The following NPAS3 variants were observed in gnomAD, a reference collection of about 807,000 sequenced individuals.
NPAS3 encodes the protein neuronal PAS domain protein 3.
A neutral mutation model predicts 73.1 loss-of-function variants in NPAS3; 14 were observed. That is an observed-to-expected ratio of 0.19 (90% CI 0.13 to 0.30). The LOEUF is 0.30. Among genes scored for constraint, NPAS3 ranks in the 10% least tolerant of loss-of-function variants. The pLI is 1.00. For synonymous variants in NPAS3, 620 were observed against 541.5 expected (o/e 1.14, Z -2.01); for missense variants, 1,096 against 1,250.0 (o/e 0.88, Z 1.86).
intron 1 of NPAS3, among the ~76,000 whole-genome samples, chr14:33,028,185 G>A (rs1036426483): frequency 5.3e-5 from 8 of 152,098 alleles, no homozygotes; most frequent in Non-Finnish European, 1.0e-4. Context: ...TTGCCTCCAC[G>A]TGTGAAATAC....
At chr14:33,069,848 G>C (rs777777376) in intron 2 of NPAS3, among the ~76,000 whole-genome samples, 6 of 152,152 alleles carry the variant, frequency 3.9e-5, no homozygotes, top group Non-Finnish European at 8.8e-5. Context: ...AAGTTACCTG[G>C]TTAATGAATG....
chr14:33,380,627 C>G (rs776001022), intron 4 of NPAS3, among the ~76,000 whole-genome samples: 1 of 152,148 alleles, frequency 6.6e-6, no homozygotes, highest in Admixed American at 6.5e-5. Flanking sequence ...AAGAAAATGT[C>G]ATGCCATTTT....
intron 4 of NPAS3, among the ~76,000 whole-genome samples, chr14:33,530,426 T>C (rs1247959232): frequency 6.6e-6 from 1 of 152,168 alleles, no homozygotes; most frequent in Non-Finnish European, 1.5e-5. Flanking sequence ...AGTATCGTGG[T>C]CAGGCCCTGT....
chr14:33,066,438 T>C (rs1326537244), intron 2 of NPAS3, among the ~76,000 whole-genome samples: 1 of 152,176 alleles, frequency 6.6e-6, no homozygotes, highest in Non-Finnish European at 1.5e-5. Context: ...GAATAAAGAA[T>C]GTTGTGTTTT....
At chr14:33,111,565 C>T (rs901054513) in intron 2 of NPAS3, among the ~76,000 whole-genome samples, 2 of 151,620 alleles carry the variant, frequency 1.3e-5, no homozygotes, top group Non-Finnish European at 2.9e-5. Context: ...GCAGGTTTCC[C>T]AAAATAAAAG....
At chr14:32,964,812 C>CAAAA (rs35728329) in intron 1 of NPAS3, among the ~76,000 whole-genome samples, 86 of 139,494 alleles carry the variant, frequency 6.2e-4, no homozygotes, top group African/African-American at 2.3e-3. Context: ...CCTGTCTCTA[C>CAAAA]AAAAAAAAAA....
intron 2 of NPAS3, among the ~76,000 whole-genome samples, chr14:33,118,470 A>G (rs1279322): frequency 0.11 from 16,134 of 152,114 alleles, 1,182 homozygotes; most frequent in East Asian, 0.39. Flanking sequence ...GTATTCTTTC[A>G]TGGTAATCTT....
At chr14:33,155,290 A>G (rs2044606983) in intron 2 of NPAS3, among the ~76,000 whole-genome samples, 2 of 152,186 alleles carry the variant, frequency 1.3e-5, no homozygotes, top group Non-Finnish European at 2.9e-5. Flanking sequence ...GACAACTCTC[A>G]TGTATTCCAT....
intron 1 of NPAS3, among the ~76,000 whole-genome samples, chr14:32,976,998 C>T (rs2037704428): frequency 6.6e-6 from 1 of 151,948 alleles, no homozygotes; most frequent in Non-Finnish European, 1.5e-5. Flanking sequence ...TTAATAAACC[C>T]TTCTGTTCAC....
rs1053230175 is a variant in NPAS3, at chr14:33,644,954, A to G, written c.559-31257A>G. On this transcript the variant is annotated intron_variant, in intron 5 of 11. Transcript: ENST00000356141. ...AATTTATCCAGGTGTGGTGGCGGGC[A>G]CCTGTAATCCCAGCTACTTGGGAGG... Among the ~76,000 whole-genome samples the G allele has an allele frequency of 4.0e-5, 6 of 151,768 alleles. No individual in the cohort carries two copies. In the East Asian group the frequency reaches 5.8e-4, roughly 15 times the overall value.
chr14:33,662,303 C>A lies in NPAS3; in HGVS notation c.559-13908C>A, dbSNP rs1192975299. ...AAATACTCTTCATCTTGAGCTCTTT[C>A]TGCCTGCCCTAGGAAGAAAAGTTGG... is the stretch of plus-strand genomic sequence containing the variant. On this transcript the variant is annotated intron_variant, in intron 5 of 11. Coordinates refer to ENST00000356141, the Ensembl canonical transcript of NPAS3. Among the ~76,000 whole-genome samples, 19 of 152,214 alleles carry A rather than the reference C, an allele frequency of 1.2e-4. 1 individual carries two copies. The highest frequency in any genetic ancestry group is 1.2e-3 in the Admixed American group (19 of 15,286).
chr14:33,484,952 G>A (rs756657284), intron 4 of NPAS3, among the ~76,000 whole-genome samples: 14 of 152,004 alleles, frequency 9.2e-5, no homozygotes, highest in East Asian at 1.9e-4. Flanking sequence ...CCAGCTCATC[G>A]GGCACTTCAG....
chr14:33,448,378 A>T (rs12882309), intron 4 of NPAS3, among the ~76,000 whole-genome samples: 3,562 of 152,302 alleles, frequency 0.023, 49 homozygotes, highest in Non-Finnish European at 0.038. Flanking sequence ...CCAAAGATAG[A>T]ATAGGAATCT....
intron 1 of NPAS3, among the ~76,000 whole-genome samples, chr14:32,943,986 G>A (rs1258632757): frequency 6.6e-6 from 1 of 152,070 alleles, no homozygotes; most frequent in African/African-American, 2.4e-5. Context: ...CACTGTGCCT[G>A]GCCTTTATTT....
At chr14:33,616,442 A>G (rs1357557710) in intron 5 of NPAS3, among the ~76,000 whole-genome samples, 1 of 152,142 alleles carries the variant, frequency 6.6e-6, no homozygotes, top group Non-Finnish European at 1.5e-5. Flanking sequence ...CCAAGGCGGG[A>G]GGGGAAGAGG....
At chr14:33,700,840 C>T (rs1175607087) in intron 6 of NPAS3, among the ~76,000 whole-genome samples, 2 of 152,198 alleles carry the variant, frequency 1.3e-5, no homozygotes, top group East Asian at 1.9e-4. Context: ...ATTCATTCCA[C>T]CACACGTTTA....
chr14:33,726,380 T>A (rs2061264902), intron 6 of NPAS3, among the ~76,000 whole-genome samples: 1 of 152,196 alleles, frequency 6.6e-6, no homozygotes, highest in Non-Finnish European at 1.5e-5. Flanking sequence ...ATAACTTCTC[T>A]AGAATTTCAT....
At chr14:33,249,268 T>C (rs1020425128) in intron 3 of NPAS3, among the ~76,000 whole-genome samples, 1 of 152,078 alleles carries the variant, frequency 6.6e-6, no homozygotes, top group African/African-American at 2.4e-5. Flanking sequence ...CAAAATTATT[T>C]CAAAGAGTCA....
chr14:33,757,910 A>T (rs2140808205), intron 7 of NPAS3, among the ~76,000 whole-genome samples: 1 of 152,302 alleles, frequency 6.6e-6, no homozygotes, highest in South Asian at 2.1e-4. Context: ...TACAGCCCTG[A>T]TCACACACTT....
Sources: gnomAD v4.1 joint callset for allele counts (sites outside exome capture counted in the v4.1 genomes callset) on GRCh38, gnomAD v4.1.1 for gene constraint, MANE v1.5 for transcripts, NCBI Gene and HGNC (gene_info 2026-07-23, HGNC 2026-07-21) for gene names.